Variants in FRMD4A observed in about 807,000 individuals in gnomAD.
FRMD4A encodes FERM domain containing 4A.
Under a neutral mutation model 129.1 loss-of-function variants are expected in FRMD4A, and 29 were observed. The ratio of observed to expected loss-of-function variants is 0.22; its 90% CI spans 0.17 to 0.31. The LOEUF is 0.31. FRMD4A is among the 10% of genes least tolerant of loss of function. The pLI is 1.00. For missense variants in FRMD4A, 1,272 were observed against 1,375.8 expected, an observed-to-expected ratio of 0.92 and a Z score of 1.19; for synonymous variants, 634 against 571.6, an observed-to-expected ratio of 1.11 and a Z score of -1.56.
intron 2 of FRMD4A, among the ~76,000 whole-genome samples, chr10:14,249,350 T>TCAAAAAAAAA (rs1564416620): frequency 8.2e-6 from 1 of 121,372 alleles, no homozygotes; most frequent in African/African-American, 2.8e-5. Context: ...AGAATCTGTC[T>TCAAAAAAAAA]TAAAAAAAAA....
intron 2 of FRMD4A, among the ~76,000 whole-genome samples, chr10:14,050,854 C>T (rs1329873903): frequency 6.6e-6 from 1 of 152,222 alleles, no homozygotes; most frequent in Non-Finnish European, 1.5e-5. Context: ...CAGTGCACCT[C>T]TTCCATTTGG....
intron 2 of FRMD4A, among the ~76,000 whole-genome samples, chr10:13,896,511 G>T (rs1212851293): frequency 5.3e-5 from 8 of 152,066 alleles, no homozygotes; most frequent in Non-Finnish European, 1.2e-4. Context: ...ACACACCAGG[G>T]CCTGTCAGGG....
At chr10:13,892,839 A>G (rs10437551) in intron 2 of FRMD4A, among the ~76,000 whole-genome samples, 3,620 of 151,960 alleles carry the variant, frequency 0.024, 135 homozygotes, top group East Asian at 0.17. Flanking sequence ...AAAAGAAATC[A>G]CTCACATCCT....
chr10:13,799,554 C>A (rs753268840), intron 4 of FRMD4A, among the ~76,000 whole-genome samples: 3 of 152,336 alleles, frequency 2.0e-5, no homozygotes, highest in South Asian at 2.1e-4. Context: ...GACAAATTAT[C>A]TTAAGCTGCA....
intron 2 of FRMD4A, among the ~76,000 whole-genome samples, chr10:13,970,245 C>G (rs759650581): frequency 2.2e-4 from 34 of 152,148 alleles, no homozygotes; most frequent in Non-Finnish European, 4.6e-4. Context: ...GCCCTTCAAG[C>G]ACGAGAATTC....
intron 2 of FRMD4A, among the ~76,000 whole-genome samples, chr10:13,864,244 C>T (rs2094333624): frequency 6.6e-6 from 1 of 150,578 alleles, no homozygotes; most frequent in African/African-American, 2.4e-5. Context: ...GATCTTCCCG[C>T]CTTGGCCTCC....
intron 23 of FRMD4A, chr10:13,652,446 G>C (rs1473293989): frequency 1.2e-5 from 2 of 166,482 alleles, no homozygotes; most frequent in African/African-American, 4.8e-5. Flanking sequence ...GGAAGATCTA[G>C]AGAGGGATCT....
At chr10:13,811,072 T>C (rs910477314) in intron 3 of FRMD4A, among the ~76,000 whole-genome samples, 164 bp from the exon 4 acceptor site, 1 of 151,950 alleles carries the variant, frequency 6.6e-6, no homozygotes, top group African/African-American at 2.4e-5. Context: ...ATGACACTGA[T>C]GAGCACACAG....
intron 2 of FRMD4A, among the ~76,000 whole-genome samples, chr10:14,255,982 G>T (rs2132026756): frequency 6.8e-6 from 1 of 147,730 alleles, no homozygotes; most frequent in African/African-American, 2.5e-5. Context: ...CTCCACCCTG[G>T]GTGACAAAGC....
At chr10:13,717,592 G>A (rs1016536242) in intron 12 of FRMD4A, among the ~76,000 whole-genome samples, 4 of 148,850 alleles carry the variant, frequency 2.7e-5, no homozygotes, top group African/African-American at 1.0e-4. Context: ...AGAATTACAG[G>A]CATGAGCCAA....
At chr10:14,241,388 C>G (rs1385132117) in intron 2 of FRMD4A, among the ~76,000 whole-genome samples, 1 of 152,058 alleles carries the variant, frequency 6.6e-6, no homozygotes, top group East Asian at 1.9e-4. Flanking sequence ...CTTCTAGAAC[C>G]TTTTTTGTGA....
chr10:14,159,208 T>G (rs1042632085), intron 2 of FRMD4A, among the ~76,000 whole-genome samples: 6 of 152,204 alleles, frequency 3.9e-5, no homozygotes, highest in African/African-American at 1.4e-4. Flanking sequence ...GCCATTAAAC[T>G]TGAGGGAGTA....
At chr10:13,991,185 G>C (rs1322120362) in intron 2 of FRMD4A, among the ~76,000 whole-genome samples, 1 of 151,992 alleles carries the variant, frequency 6.6e-6, no homozygotes, top group Non-Finnish European at 1.5e-5. Context: ...GCATTCAGCT[G>C]AGTACACTGA....
chr10:13,806,699 T>A (rs1035331816), intron 4 of FRMD4A, among the ~76,000 whole-genome samples: 1 of 152,248 alleles, frequency 6.6e-6, no homozygotes, highest in Non-Finnish European at 1.5e-5. Context: ...CCAAGCTGAT[T>A]CAATTGGAAT....
chr10:13,677,108 G>A (rs1055997679), intron 15 of FRMD4A, among the ~76,000 whole-genome samples: 15 of 152,068 alleles, frequency 9.9e-5, no homozygotes, highest in African/African-American at 4.8e-5. Context: ...TCTATTTAAC[G>A]TCTCTGAGCA....
At chr10:14,233,174 G>C (rs889061574) in intron 2 of FRMD4A, among the ~76,000 whole-genome samples, 4 of 152,138 alleles carry the variant, frequency 2.6e-5, no homozygotes, top group African/African-American at 9.7e-5. Flanking sequence ...GTCATTAAAT[G>C]GTTACTCTTA....
chr10:14,239,402 C>T (rs11258969), intron 2 of FRMD4A, among the ~76,000 whole-genome samples: 4 of 151,958 alleles, frequency 2.6e-5, no homozygotes, highest in Admixed American at 2.0e-4. Context: ...CCGAGGCGGG[C>T]GGATCAGGAG....
intron 2 of FRMD4A, among the ~76,000 whole-genome samples, chr10:14,153,703 G>A (rs751809103): frequency 5.7e-4 from 86 of 152,162 alleles, no homozygotes; most frequent in Non-Finnish European, 1.1e-3. Context: ...CTCCAGCTCT[G>A]CTCTGCATCA....
chr10:14,038,278 G>A (rs923021636), intron 2 of FRMD4A, among the ~76,000 whole-genome samples: 10 of 152,098 alleles, frequency 6.6e-5, no homozygotes, highest in Non-Finnish European at 1.2e-4. Context: ...AGCCAAGATC[G>A]CACCACTGCA....
Sources: allele counts gnomAD v4.1 joint callset (sites outside exome capture counted in the v4.1 genomes callset), GRCh38; gene constraint gnomAD v4.1.1; transcripts MANE v1.5; gene names NCBI Gene and HGNC (gene_info 2026-07-23, HGNC 2026-07-21).